Variants in KANK1 observed in about 807,000 individuals in gnomAD.
KANK1 encodes the protein KN motif and ankyrin repeat domains 1.
A neutral mutation model predicts 106.2 loss-of-function variants in KANK1; 109 were observed. That is an observed-to-expected ratio of 1.03 (90% confidence interval 0.88 to 1.20). The LOEUF (loss-of-function observed/expected upper bound fraction) is 1.20. Ranked by LOEUF, KANK1 falls within the 50% of genes most tolerant of loss-of-function variation. The pLI, the probability that KANK1 is intolerant of heterozygous loss-of-function variation, is 0.00. For synonymous variants in KANK1, 873 were observed against 652.2 expected, an observed-to-expected ratio of 1.34 and a Z score of -5.16; for missense variants, 2,399 against 1,710.7, an observed-to-expected ratio of 1.40 and a Z score of -7.10.
In KANK1 at chr9:644,757, A is replaced by T. The variant is rs1451005660; in HGVS notation, c.-83-32133A>T. Among the ~76,000 whole-genome samples, 6 of 151,070 alleles carry T rather than the reference A, an allele frequency of 4.0e-5. No homozygotes were observed. The South Asian group carries it at 1.2e-3, about 31-fold the overall frequency. On this transcript the variant is annotated intron_variant, in intron 1 of 11. Transcript: ENST00000382297. The stretch of plus-strand genomic sequence containing the variant: ...CTTGATGGGGACACAGATCTAAACC[A>T]TATCAAGCATTAATATTACTATTAA...
At chr9:491,327 G>A (rs958233078) in intron 3 of KANK1, among the ~76,000 whole-genome samples, 3 of 151,152 alleles carry the variant, frequency 2.0e-5, no homozygotes, top group African/African-American at 7.4e-5. Context: ...GTGTGCAGTG[G>A]CATGATCTCA....
intron 1 of KANK1, among the ~76,000 whole-genome samples, chr9:530,905 A>G (rs2060027084): frequency 6.6e-6 from 1 of 152,100 alleles, no homozygotes. Flanking sequence ...GCAGTGAGTC[A>G]TGATTGTGGC....
intron 1 of KANK1, among the ~76,000 whole-genome samples, chr9:557,097 C>A: frequency 6.6e-6 from 1 of 150,858 alleles, no homozygotes; most frequent in African/African-American, 2.4e-5. Context: ...GCAGGAGGAT[C>A]ACATGAGCCT....
intron 1 of KANK1, among the ~76,000 whole-genome samples, chr9:669,153 A>G (rs1449204747): frequency 1.3e-5 from 2 of 152,166 alleles, no homozygotes; most frequent in East Asian, 1.9e-4. Context: ...GATATTGCCT[A>G]TCTCTTAACA....
At chr9:529,998 C>G (rs2059986079) in intron 1 of KANK1, among the ~76,000 whole-genome samples, 1 of 152,138 alleles carries the variant, frequency 6.6e-6, no homozygotes, top group South Asian at 2.1e-4. Flanking sequence ...AATGGTATCT[C>G]ATCTGTTTTT....
intron 3 of KANK1, among the ~76,000 whole-genome samples, chr9:727,761 A>G (rs1831132752): frequency 6.6e-6 from 1 of 151,930 alleles, no homozygotes; most frequent in African/African-American, 2.4e-5. Flanking sequence ...CACACAATAC[A>G]TGGAATTTTA....
chr9:573,123 G>A (rs903793737), intron 1 of KANK1, among the ~76,000 whole-genome samples: 2 of 152,176 alleles, frequency 1.3e-5, no homozygotes, highest in Non-Finnish European at 2.9e-5. Context: ...AGTCAGTCAA[G>A]TGCTGCGTGA....
intron 3 of KANK1, among the ~76,000 whole-genome samples, chr9:497,922 A>C (rs1302692261): frequency 6.6e-6 from 1 of 152,186 alleles, no homozygotes; most frequent in Non-Finnish European, 1.5e-5. Context: ...GGACCACCCC[A>C]GTTCCATCCG....
At position 712,699 on chromosome 9, in the gene KANK1, T is replaced by C. The variant is rs1564052101; in HGVS notation, c.1933T>C (p.Cys645Arg). ...CGTGACCGTCTGCTCTCCAAAGGAG[T>C]GCGCCTCCCGGGGCGTGAACACTGA... ...VDVTVCSPKE[C>R]ASRGVNTEAV... Residue 645 changes from cysteine (C) to arginine (R), a missense_variant, in exon 3 of 12, where the codon TGC (cysteine) becomes CGC (arginine). Transcript: ENST00000382297. 2.5e-6 allele frequency: 4 copies of C among 1,613,252 alleles called. No homozygotes were observed. Among genetic ancestry groups the C allele is most frequent in the Non-Finnish European group, 3.4e-6 (4 of 1,179,794 alleles).
intron 9 of KANK1, among the ~76,000 whole-genome samples, chr9:741,326 T>A (rs1189113816): frequency 1.4e-5 from 1 of 72,124 alleles, no homozygotes; most frequent in Admixed American, 1.3e-4. Context: ...ACAGCTTGAC[T>A]TTTTTTTTTT....
rs1190108441 is a variant in KANK1 at position 600,900 on chromosome 9, C to G, written c.-83-75990C>G. ...TGGGATAACTGAAAAGTTTAGTTATCCAAAAGGCAGCCCACCTTCATTTTT... is the reference window on the plus strand; with the variant it reads ...TGGGATAACTGAAAAGTTTAGTTATGCAAAAGGCAGCCCACCTTCATTTTT... On this transcript the variant is annotated intron_variant, in intron 1 of 11. Transcript: ENST00000382297. Among the ~76,000 whole-genome samples the G allele has an allele frequency of 1.3e-5, 2 of 151,746 alleles. 1 individual carries two copies. Among genetic ancestry groups the G allele is most frequent in the African/African-American group, 4.9e-5 (2 of 41,066 alleles).
At chr9:559,776 G>A (rs1288462130) in intron 1 of KANK1, among the ~76,000 whole-genome samples, 2 of 152,160 alleles carry the variant, frequency 1.3e-5, no homozygotes, top group African/African-American at 2.4e-5. Context: ...TTCCTAACAA[G>A]ATTTGAGTTT....
At chr9:636,669 C>T (rs540244846) in intron 1 of KANK1, among the ~76,000 whole-genome samples, 1 of 152,294 alleles carries the variant, frequency 6.6e-6, no homozygotes, top group Admixed American at 6.5e-5. Context: ...AGTTCGAGAC[C>T]AGTCTGGCCA....
Position 693,644 on chromosome 9 carries a change from C to G in KANK1, c.37+16635C>G, listed in dbSNP as rs1217359653. 3.0e-6 allele frequency: 3 copies of G among 985,228 alleles called. No homozygotes were observed. The African/African-American group carries it at 5.2e-5, about 17-fold the overall frequency. 61.0% of individuals were successfully genotyped at this position (985,228 alleles called of 1,614,324 possible). A position where few individuals can be genotyped will look rare whatever the true frequency, so the allele number is the denominator to read the frequency against. On this transcript the variant is annotated intron_variant, in intron 2 of 11. Transcript: ENST00000382297. ...AGGCTGTTAGTTCGTCAGGAAATTC[C>G]AAATGGGTATAAATAAATTCTCTGC...
chr9:563,944 G>A (rs1817144448), intron 1 of KANK1, among the ~76,000 whole-genome samples: 2 of 151,978 alleles, frequency 1.3e-5, no homozygotes, highest in African/African-American at 2.4e-5. Context: ...TTTCTTCCCT[G>A]TAACACATTA....
rs926403673 is a variant in KANK1, at chr9:526,268, CAGGTAGGAGCT to C, written c.-84+21515_-84+21525del. Reference sequence around the variant, plus strand: ...AGAGCAATGACTGTTCCCCAGCCCACAGGTAGGAGCTGGTGGGCAGCACCAGCAGCAGTAGA... The same window carrying C: ...AGAGCAATGACTGTTCCCCAGCCCACGGTGGGCAGCACCAGCAGCAGTAGA... On this transcript the variant is annotated intron_variant, in intron 1 of 11. Coordinates refer to ENST00000382297, the MANE Select transcript of KANK1 (RefSeq NM_015158.5). 6.8e-4 allele frequency among the ~76,000 whole-genome samples: 103 copies of C among 151,878 alleles called. 5 individuals are homozygous for C. The highest frequency in any genetic ancestry group is 2.1e-3 in the African/African-American group (88 of 41,164).
intron 1 of KANK1, among the ~76,000 whole-genome samples, chr9:634,010 GAAAGGTTTATCTTTTTCAT>G: frequency 6.6e-6 from 1 of 152,346 alleles, no homozygotes; most frequent in Middle Eastern, 3.4e-3. Context: ...TACATGGTAA[GAAAGGTTTATCTTTTTCAT>G]AAGTTCAGAA....
chr9:495,914 G>C (rs2058453121), intron 3 of KANK1, among the ~76,000 whole-genome samples: 1 of 152,128 alleles, frequency 6.6e-6, no homozygotes, highest in Admixed American at 6.6e-5. Flanking sequence ...TGCTGAGGAA[G>C]AAAAGCTTCA....
chr9:624,233 G>GA (rs1833839828), intron 1 of KANK1, among the ~76,000 whole-genome samples: 1 of 152,134 alleles, frequency 6.6e-6, no homozygotes, highest in African/African-American at 2.4e-5. Context: ...GGGCATGGGA[G>GA]AAACGGTGAG....
Sources: gnomAD v4.1 joint callset for allele counts (sites outside exome capture counted in the v4.1 genomes callset) on GRCh38, gnomAD v4.1.1 for gene constraint, MANE v1.5 for transcripts, NCBI Gene and HGNC (gene_info 2026-07-23, HGNC 2026-07-21) for gene names.